RHOBTB2: variants seen among roughly 807,000 people sequenced by gnomAD.
The protein encoded by RHOBTB2 is Rho related BTB domain containing 2.
Under a neutral mutation model 66.5 loss-of-function variants are expected in RHOBTB2, and 39 were observed. That is an observed-to-expected ratio of 0.59 (90% CI 0.45 to 0.77). RHOBTB2 has a LOEUF of 0.77. Among genes scored for constraint, RHOBTB2 ranks in the 30% least tolerant of loss-of-function variants. RHOBTB2 has a pLI of 0.00. For synonymous variants in RHOBTB2, 390 were observed against 395.0 expected (o/e 0.99, Z 0.15); for missense variants, 755 against 999.1 (o/e 0.76, Z 3.29).
chr8:23,014,797 G>C lies in RHOBTB2; in HGVS notation c.1860+19G>C. 3.8e-6 allele frequency: 6 copies of C among 1,597,676 alleles called. No individual in the cohort carries two copies. Among genetic ancestry groups the C allele is most frequent in the Non-Finnish European group, 5.1e-6 (6 of 1,165,826 alleles). On this transcript the variant is annotated intron_variant, in intron 8 of 9. Transcript: ENST00000251822. ...GGCTCAGGTATCATGGCAGGGGAGG[G>C]AATCTACAACAGTCTCAGTTCTACA... is the stretch of plus-strand genomic sequence containing the variant.
chr8:22,966,033 T>A, the RHOBTB2 span, among the ~76,000 whole-genome samples: 1 of 152,046 alleles, frequency 6.6e-6, no homozygotes, highest in African/African-American at 2.4e-5. Context: ...TAATAATGGA[T>A]TAATACTCAG....
chr8:22,973,997 G>A, the RHOBTB2 span, among the ~76,000 whole-genome samples: 3 of 152,054 alleles, frequency 2.0e-5, no homozygotes, highest in African/African-American at 7.2e-5. Flanking sequence ...CACTTCCGGG[G>A]CTCCCAGCCA....
At chr8:22,954,319 T>C in the RHOBTB2 span, among the ~76,000 whole-genome samples, 70 of 152,202 alleles carry the variant, frequency 4.6e-4, no homozygotes, top group African/African-American at 1.6e-3. Flanking sequence ...TTTTTTTGTT[T>C]TGTTTTGTTT....
the RHOBTB2 span, among the ~76,000 whole-genome samples, chr8:22,955,195 T>C: frequency 6.6e-6 from 1 of 152,068 alleles, no homozygotes; most frequent in Admixed American, 6.6e-5. Flanking sequence ...AAGGATCCAC[T>C]TTCCCAGAAT....
intron 2 of RHOBTB2, among the ~76,000 whole-genome samples, chr8:22,994,237 C>T (rs985153383): frequency 1.3e-5 from 2 of 152,168 alleles, no homozygotes; most frequent in Non-Finnish European, 2.9e-5. Context: ...CAGGCAGAAT[C>T]CAGGCCTCCG....
the RHOBTB2 span, among the ~76,000 whole-genome samples, chr8:22,980,397 G>T: frequency 6.6e-6 from 1 of 151,988 alleles, no homozygotes; most frequent in African/African-American, 2.4e-5. Flanking sequence ...CTTTTTAAAT[G>T]GTTGCTTCTA....
chr8:23,011,484 C>T (rs1811146423), intron 7 of RHOBTB2, among the ~76,000 whole-genome samples: 1 of 152,210 alleles, frequency 6.6e-6, no homozygotes, highest in African/African-American at 2.4e-5. Context: ...ACACAAACAT[C>T]CCTGCCACTC....
chr8:22,961,827 T>C, the RHOBTB2 span, among the ~76,000 whole-genome samples: 1 of 152,272 alleles, frequency 6.6e-6, no homozygotes, highest in Admixed American at 6.5e-5. Flanking sequence ...TTTCTGCAAC[T>C]GAACCCTGAC....
Position 22,999,563 on chromosome 8 carries a change from T to G in RHOBTB2, c.-553T>G, listed in dbSNP as rs1810694089. On this transcript the variant is annotated 5_prime_UTR_variant, in exon 1 of 10. Coordinates refer to ENST00000251822, the MANE Select transcript of RHOBTB2 (RefSeq NM_015178.3). Reference sequence around the variant, plus strand: ...GGCAGTGGGCGGGGCCCGTCACGGCTGTCGTCTTGGGTGCGATTTTTTTCT... The same window carrying G: ...GGCAGTGGGCGGGGCCCGTCACGGCGGTCGTCTTGGGTGCGATTTTTTTCT... 1 of 1,203,538 alleles carries G rather than the reference T, an allele frequency of 8.3e-7. No homozygotes were observed. Among genetic ancestry groups the G allele is most frequent in the East Asian group, 8.6e-5 (1 of 11,624 alleles). 74.6% of individuals were successfully genotyped at this position (1,203,538 alleles called of 1,614,324 possible). A position where few individuals can be genotyped will look rare whatever the true frequency, so the allele number is the denominator to read the frequency against.
the RHOBTB2 span, among the ~76,000 whole-genome samples, chr8:22,955,038 C>T: frequency 1.3e-5 from 2 of 151,932 alleles, no homozygotes; most frequent in African/African-American, 2.4e-5. Context: ...GGCTGAGGCA[C>T]GAGAATTGCT....
At chr8:22,960,204 GAACA>G in the RHOBTB2 span, among the ~76,000 whole-genome samples, 1 of 150,086 alleles carries the variant, frequency 6.7e-6, no homozygotes, top group Non-Finnish European at 1.5e-5. Context: ...AAAAAAACAA[GAACA>G]AACAAACCAA....
Position 23,020,129 on chromosome 8 carries a change from C to T in RHOBTB2, c.*2660C>T, listed in dbSNP as rs1235811840. 7.9e-6 allele frequency: 3 copies of T among 379,692 alleles called. No homozygotes were observed. Among genetic ancestry groups the T allele is most frequent in the South Asian group, 4.0e-5 (2 of 49,860 alleles). The allele number at this position is 379,692 out of a possible 1,614,324, so 23.5% of individuals were successfully genotyped here. A position where few individuals can be genotyped will look rare whatever the true frequency, so the allele number is the denominator to read the frequency against. ...TGGGGGGCGGGAGACAAAAACCACA[C>T]CTCTTTTTATATAAGGTTTCATATT... On this transcript the variant is annotated 3_prime_UTR_variant, in exon 10 of 10. Coordinates refer to ENST00000251822, the MANE Select transcript of RHOBTB2 (RefSeq NM_015178.3).
intron 1 of RHOBTB2, among the ~76,000 whole-genome samples, chr8:23,003,058 T>G (rs1040016226): frequency 6.6e-6 from 1 of 152,184 alleles, no homozygotes; most frequent in Non-Finnish European, 1.5e-5. Flanking sequence ...CTGGGCAGCC[T>G]CCAGCACTCA....
chr8:22,995,764 ACCACGTGC>A, upstream of RHOBTB2: 1 of 1,326,158 alleles, frequency 7.5e-7, no homozygotes, highest in Non-Finnish European at 1.1e-6. Flanking sequence ...GGGTAGGAAC[ACCACGTGC>A]CCCAGCCTGC....
chr8:22,989,020 T>C (rs1446962783), intron 1 of RHOBTB2, among the ~76,000 whole-genome samples: 2 of 152,378 alleles, frequency 1.3e-5, no homozygotes, highest in Middle Eastern at 3.4e-3. Context: ...CCCTCTTCCC[T>C]GACCTCTAGA....
At chr8:22,990,247 G>A (rs773014407) in intron 1 of RHOBTB2, among the ~76,000 whole-genome samples, 14 of 152,196 alleles carry the variant, frequency 9.2e-5, no homozygotes, top group East Asian at 1.9e-4. Flanking sequence ...TCAGAGAAAA[G>A]GGGGACCCAG....
At chr8:22,981,011 G>A in the RHOBTB2 span, among the ~76,000 whole-genome samples, 71 of 152,278 alleles carry the variant, frequency 4.7e-4, no homozygotes, top group African/African-American at 1.5e-3. Flanking sequence ...AGTATGATAC[G>A]TTATCTGTTT....
rs1002865528 is a variant in RHOBTB2, at chr8:23,020,015, CAG to C, written c.*2549_*2550del. 12 of 318,182 alleles carry C rather than the reference CAG, an allele frequency of 3.8e-5. No homozygotes were observed. Among genetic ancestry groups the C allele is most frequent in the African/African-American group, 1.3e-4 (6 of 45,826 alleles). 19.7% of individuals were successfully genotyped at this position (318,182 alleles called of 1,614,324 possible). ...ACCCCCAGGAGGCCAAGCCTGAAAA[CAG>C]AGGGGAGGGAGGAAGGAAGGAGTCC... is the stretch of plus-strand genomic sequence containing the variant. On this transcript the variant is annotated 3_prime_UTR_variant, in exon 10 of 10. Transcript: ENST00000251822.
chr8:22,983,108 T>C (rs1442521830), upstream of RHOBTB2, among the ~76,000 whole-genome samples: 1 of 152,154 alleles, frequency 6.6e-6, no homozygotes, highest in Non-Finnish European at 1.5e-5. Flanking sequence ...CATAGAACTG[T>C]CCAGCAAGTT....
Sources: allele counts gnomAD v4.1 joint callset (sites outside exome capture counted in the v4.1 genomes callset), GRCh38; gene constraint gnomAD v4.1.1; transcripts MANE v1.5; gene names NCBI Gene and HGNC (gene_info 2026-07-23, HGNC 2026-07-21).